CAB39L: variants seen among roughly 807,000 people sequenced by gnomAD.
CAB39L encodes calcium binding protein 39 like, also known as calcium-binding protein 39-like.
CAB39L carries 23 observed loss-of-function variants against 39.1 expected under a neutral mutation model. The ratio of observed to expected loss-of-function variants is 0.59; its 90% confidence interval spans 0.42 to 0.83. The LOEUF (loss-of-function observed/expected upper bound fraction) is 0.83, where lower values mean the gene tolerates loss of function less well. CAB39L is among the 40% of genes least tolerant of loss of function. The pLI is 0.00. For synonymous variants in CAB39L, 126 were observed against 137.2 expected (o/e 0.92, Z 0.57); for missense variants, 366 against 391.9 (o/e 0.93, Z 0.56).
chr13:49,335,183 C>T (rs535479754), intron 9 of CAB39L, among the ~76,000 whole-genome samples: 30 of 152,236 alleles, frequency 2.0e-4, no homozygotes, highest in African/African-American at 7.2e-4. Flanking sequence ...TAATCAAATA[C>T]TGAATAGACA....
intron 7 of CAB39L, among the ~76,000 whole-genome samples, chr13:49,345,434 T>C (rs1347317204): frequency 6.6e-6 from 1 of 152,166 alleles, no homozygotes; most frequent in African/African-American, 2.4e-5. Context: ...CATGGTGTTT[T>C]TCCCCCCCAG....
At chr13:49,356,210 T>C (rs1441682558) in intron 6 of CAB39L, among the ~76,000 whole-genome samples, 4 of 152,316 alleles carry the variant, frequency 2.6e-5, no homozygotes, top group South Asian at 4.1e-4. Flanking sequence ...TGTGATGAAA[T>C]ATGAACTACA....
At chr13:49,437,555 T>C (rs899682504) in intron 1 of CAB39L, among the ~76,000 whole-genome samples, 1 of 152,212 alleles carries the variant, frequency 6.6e-6, no homozygotes, top group African/African-American at 2.4e-5. Flanking sequence ...CTGGGAATTA[T>C]CTGTATTCTG....
chr13:49,373,824 C>T (rs74072543), intron 5 of CAB39L, among the ~76,000 whole-genome samples: 2,716 of 152,176 alleles, frequency 0.018, 91 homozygotes, highest in African/African-American at 0.063. Context: ...GGTTCTGTGT[C>T]GCTGGAGTAA....
At chr13:49,335,291 G>T (rs1324949698) in intron 9 of CAB39L, among the ~76,000 whole-genome samples, 1 of 152,128 alleles carries the variant, frequency 6.6e-6, no homozygotes, top group Non-Finnish European at 1.5e-5. Flanking sequence ...ATTTGTTGAA[G>T]TTATATTTAT....
At position 49,437,715 on chromosome 13, in the gene CAB39L, A is replaced by T. The variant is rs79646613; in HGVS notation, c.-245-3492T>A. 3.0e-4 allele frequency among the ~76,000 whole-genome samples: 46 copies of T among 152,310 alleles called. No individual in the cohort carries two copies. The East Asian group carries it at 8.3e-3, about 27-fold the overall frequency. ...ATTAATGTATGCTTACATATCAATA[A>T]ATTTGTATGGGTTTTCTCTTGTTAA... On this transcript the variant is annotated intron_variant, in intron 1 of 10. Coordinates refer to ENST00000409308, the MANE Select transcript of CAB39L (RefSeq NM_001079670.3).
chr13:49,346,070 TGCTAG>T (rs1422403051), intron 7 of CAB39L, among the ~76,000 whole-genome samples: 1 of 106,094 alleles, frequency 9.4e-6, no homozygotes, highest in South Asian at 3.2e-4. Context: ...TATATATATA[TGCTAG>T]ATATATATAT....
At chr13:49,381,361 G>A (rs1956249831) in intron 4 of CAB39L, among the ~76,000 whole-genome samples, 1 of 152,174 alleles carries the variant, frequency 6.6e-6, no homozygotes, top group South Asian at 2.1e-4. Flanking sequence ...TACATGGAGA[G>A]TATGTTTAAG....
chr13:49,362,874 A>G (rs1955672383), intron 5 of CAB39L, among the ~76,000 whole-genome samples: 1 of 152,224 alleles, frequency 6.6e-6, no homozygotes, highest in Non-Finnish European at 1.5e-5. Context: ...ATAACATACA[A>G]TGGAGCTGCA....
chr13:49,441,728 T>C (rs1957528634), intron 1 of CAB39L, among the ~76,000 whole-genome samples: 1 of 152,170 alleles, frequency 6.6e-6, no homozygotes, highest in Admixed American at 6.5e-5. Flanking sequence ...TTCATTTCAC[T>C]TTTCATCAGA....
intron 9 of CAB39L, among the ~76,000 whole-genome samples, chr13:49,334,231 C>T (rs1325159350): frequency 1.3e-5 from 2 of 152,234 alleles, no homozygotes; most frequent in Non-Finnish European, 2.9e-5. Flanking sequence ...ATCCATTCTG[C>T]ACATTTTGTC....
At chr13:49,385,924 C>T (rs113783974) in intron 3 of CAB39L, among the ~76,000 whole-genome samples, 10 of 116,428 alleles carry the variant, frequency 8.6e-5, no homozygotes, top group Middle Eastern at 4.0e-3. Flanking sequence ...TCAAGAGATA[C>T]AAAGTGAGCA....
intron 3 of CAB39L, among the ~76,000 whole-genome samples, chr13:49,387,296 A>G (rs1956387176): frequency 6.6e-6 from 1 of 152,240 alleles, no homozygotes; most frequent in Non-Finnish European, 1.5e-5. Context: ...AGGCCTGACA[A>G]TGGTGCCTTG....
At chr13:49,323,185 A>T (rs1242344337) in intron 10 of CAB39L, among the ~76,000 whole-genome samples, 1 of 152,196 alleles carries the variant, frequency 6.6e-6, no homozygotes, top group Non-Finnish European at 1.5e-5. Flanking sequence ...ACCTGATGAC[A>T]TGGCCAACCT....
intron 3 of CAB39L, among the ~76,000 whole-genome samples, chr13:49,406,272 A>G (rs1393177325): frequency 6.8e-6 from 1 of 147,322 alleles, no homozygotes; most frequent in Non-Finnish European, 1.5e-5. Flanking sequence ...GGTTCACGCC[A>G]TTCTCCTGCC....
intron 5 of CAB39L, among the ~76,000 whole-genome samples, chr13:49,361,984 T>C (rs896645056): frequency 2.0e-5 from 3 of 152,098 alleles, no homozygotes; most frequent in Non-Finnish European, 2.9e-5. Flanking sequence ...ACAACCTTAT[T>C]TTTTTAAATT....
At chr13:49,412,016 C>G (rs1222767534) in intron 3 of CAB39L, among the ~76,000 whole-genome samples, 1 of 152,078 alleles carries the variant, frequency 6.6e-6, no homozygotes. Flanking sequence ...TATGTAAACT[C>G]CCCCCAAAAC....
intron 2 of CAB39L, 117 bp from the exon 3 acceptor site, chr13:49,433,510 T>C (rs1957359561): frequency 2.7e-6 from 1 of 371,434 alleles, no homozygotes; most frequent in South Asian, 2.1e-5. Context: ...CATAATCAAA[T>C]ACTAATACAT....
rs551884265 is a variant in CAB39L at position 49,431,433 on chromosome 13, G to A, written c.-32+1885C>T. On this transcript the variant is annotated intron_variant, in intron 3 of 10. Coordinates refer to ENST00000409308, the MANE Select transcript of CAB39L (RefSeq NM_001079670.3). ...CTTAAAAAATAAAAAAAGGCTGGGC[G>A]TGGTGGCTCACGTCTGTAATCCCAG... is the stretch of plus-strand genomic sequence containing the variant. 7.9e-5 allele frequency among the ~76,000 whole-genome samples: 12 copies of A among 152,218 alleles called. No homozygotes were observed. In the South Asian group the frequency reaches 2.1e-3, roughly 26 times the overall value.
Sources: allele counts gnomAD v4.1 joint callset (sites outside exome capture counted in the v4.1 genomes callset), GRCh38; gene constraint gnomAD v4.1.1; transcripts MANE v1.5; gene names NCBI Gene and HGNC (gene_info 2026-07-23, HGNC 2026-07-21).